The following KCNT1 variants were observed in gnomAD, a reference collection of about 807,000 sequenced individuals.
KCNT1 encodes the protein potassium channel subfamily T member 1.
Under a neutral mutation model 147.8 loss-of-function variants are expected in KCNT1, and 78 were observed. That is an observed-to-expected ratio of 0.53 (90% CI 0.44 to 0.64). The LOEUF (loss-of-function observed/expected upper bound fraction) is 0.64, where lower values mean the gene tolerates loss of function less well. Among genes scored for constraint, KCNT1 ranks in the 30% least tolerant of loss-of-function variants. KCNT1 has a pLI of 0.00. For missense variants in KCNT1, 1,419 were observed against 1,750.3 expected, an observed-to-expected ratio of 0.81 and a Z score of 3.38; for synonymous variants, 867 against 748.8, an observed-to-expected ratio of 1.16 and a Z score of -2.58.
Position 135,772,890 on chromosome 9 carries a change from G to A in KCNT1, c.2184G>A (p.Leu728=). The change falls in exon 19 of 31, where the codon CTG becomes CTA. Residue 728 remains leucine, a synonymous_variant. Transcript: ENST00000371757. ...DSSALLPCDL[L]SDQSEDEVTP... ...CAGCCCTGCTGCCCTGCGACCTGCTGAGCGACCAGTCGGAGGATGAGGTGA... is the reference window on the plus strand; with the variant it reads ...CAGCCCTGCTGCCCTGCGACCTGCTAAGCGACCAGTCGGAGGATGAGGTGA... The A allele has an allele frequency of 6.4e-7, 1 of 1,560,992 alleles. No individual in the cohort carries two copies. Among genetic ancestry groups the A allele is most frequent in the Non-Finnish European group, 8.7e-7 (1 of 1,153,892 alleles).
At chr9:135,745,047 A>G (rs1362637178) in intron 2 of KCNT1, among the ~76,000 whole-genome samples, 14 of 152,098 alleles carry the variant, frequency 9.2e-5, no homozygotes, top group African/African-American at 3.1e-4. Flanking sequence ...GTGGCCGGGG[A>G]TCCGGGAATG....
intron 26 of KCNT1, 64 bp downstream of exon 26, chr9:135,784,682 C>T: frequency 6.2e-7 from 1 of 1,608,640 alleles, no homozygotes; most frequent in Non-Finnish European, 8.5e-7. Flanking sequence ...TGGATGGGCA[C>T]CTGCCCCTGA....
chr9:135,740,059 C>T (rs960232169), intron 2 of KCNT1, among the ~76,000 whole-genome samples: 7 of 152,160 alleles, frequency 4.6e-5, no homozygotes, highest in Non-Finnish European at 8.8e-5. Context: ...CTCTCCTGGC[C>T]GTCCCGCTAT....
At chr9:135,727,437 CCT>C (rs140325657) in intron 2 of KCNT1, among the ~76,000 whole-genome samples, 80 of 135,936 alleles carry the variant, frequency 5.9e-4, no homozygotes, top group Admixed American at 7.5e-4. Context: ...CCCCCCTCTC[CCT>C]CTCTCTCTCT....
intron 1 of KCNT1, among the ~76,000 whole-genome samples, chr9:135,708,569 C>T (rs1281145599): frequency 6.6e-6 from 1 of 152,168 alleles, no homozygotes; most frequent in Non-Finnish European, 1.5e-5. Context: ...GTTGTTGTTT[C>T]AGACAGAATC....
intron 7 of KCNT1, 50 bp downstream of exon 7, chr9:135,756,982 A>ACCCTCCCCAGCCTCCCCC: frequency 1.1e-6 from 1 of 904,708 alleles, no homozygotes; most frequent in Admixed American, 3.0e-5. Context: ...CACCCTCCCC[A>ACCCTCCCCAGCCTCCCCC]CCCTCCCCAG....
chr9:135,719,017 C>T (rs1835823796), intron 2 of KCNT1, among the ~76,000 whole-genome samples: 1 of 152,210 alleles, frequency 6.6e-6, no homozygotes, highest in South Asian at 2.1e-4. Context: ...CACTGCTTAC[C>T]AGATGGTGTC....
At chr9:135,737,567 C>T (rs1203506964) in intron 2 of KCNT1, among the ~76,000 whole-genome samples, 3 of 152,190 alleles carry the variant, frequency 2.0e-5, no homozygotes, top group East Asian at 1.9e-4. Context: ...CAGGCCAGGC[C>T]GGGACAGAAG....
At chr9:135,787,775 A>C (rs1020435459) in intron 29 of KCNT1, among the ~76,000 whole-genome samples, 2 of 151,962 alleles carry the variant, frequency 1.3e-5, no homozygotes, top group African/African-American at 4.8e-5. Context: ...CCCGGGAGGG[A>C]CTTCACGCCC....
intron 2 of KCNT1, among the ~76,000 whole-genome samples, chr9:135,732,119 C>T (rs370156951): frequency 1.3e-4 from 19 of 150,020 alleles, no homozygotes; most frequent in African/African-American, 3.9e-4. Flanking sequence ...CTCCCAGGTT[C>T]GAGATTCTCC....
chr9:135,741,757 C>T (rs1239674902), intron 2 of KCNT1, among the ~76,000 whole-genome samples: 2 of 152,250 alleles, frequency 1.3e-5, no homozygotes, highest in African/African-American at 4.8e-5. Flanking sequence ...CTCCTTCCTG[C>T]CTGTGTGGCC....
At chr9:135,734,504 A>G (rs1333853322) in intron 2 of KCNT1, among the ~76,000 whole-genome samples, 1 of 152,114 alleles carries the variant, frequency 6.6e-6, no homozygotes, top group Non-Finnish European at 1.5e-5. Flanking sequence ...AGTTGCGAAG[A>G]TCCTCCTCCC....
intron 1 of KCNT1, among the ~76,000 whole-genome samples, chr9:135,706,622 A>T (rs1194631429): frequency 2.6e-5 from 4 of 152,182 alleles, no homozygotes; most frequent in Non-Finnish European, 5.9e-5. Flanking sequence ...ACTCCACAAG[A>T]GGGGCAAAGA....
chr9:135,786,380 C>A lies in KCNT1; in HGVS notation c.3361C>A (p.Pro1121Thr). 1 of 1,577,354 alleles carries A rather than the reference C, an allele frequency of 6.3e-7. No homozygotes were observed. Among genetic ancestry groups the A allele is most frequent in the South Asian group, 1.1e-5 (1 of 87,424 alleles). ...GGCCCGGAGGCTGAGCCGCAAGGCGCCCAAGCAGGCAGGCCGGGCGGCGGC... is the reference window on the plus strand; with the variant it reads ...GGCCCGGAGGCTGAGCCGCAAGGCGACCAAGCAGGCAGGCCGGGCGGCGGC... ...QWARRLSRKA[P>T]KQAGRAAAAE... Residue 1121 changes from proline to threonine, a missense_variant, in exon 29 of 31, where the codon CCC becomes ACC. Coordinates refer to ENST00000371757, the MANE Select transcript of KCNT1 (RefSeq NM_020822.3).
In KCNT1 at chr9:135,768,663, G is replaced by A; in HGVS notation, c.1391G>A (p.Arg464His). The A allele has an allele frequency of 1.9e-6, 3 of 1,550,240 alleles. No individual in the cohort carries two copies. Among genetic ancestry groups the A allele is most frequent in the Non-Finnish European group, 1.7e-6 (2 of 1,146,692 alleles). Reference sequence around the variant, plus strand: ...CTCAGCAGCAGGAACGAGGTGGACCGCACGGCTGCAGTGAGTGAGGCTGAG... The same window carrying A: ...CTCAGCAGCAGGAACGAGGTGGACCACACGGCTGCAGTGAGTGAGGCTGAG... ...FILSSRNEVD[R>H]TAADHQTILR... Residue 464 changes from arginine (R) to histidine (H), a missense_variant, in exon 14 of 31, where the codon CGC (arginine) becomes CAC (histidine). Coordinates refer to ENST00000371757, the MANE Select transcript of KCNT1 (RefSeq NM_020822.3).
intron 21 of KCNT1, 142 bp downstream of exon 21, chr9:135,777,652 TA>T: frequency 2.6e-6 from 2 of 768,834 alleles, no homozygotes; most frequent in Non-Finnish European, 4.1e-6. Context: ...TCAGCTTTCC[TA>T]AAAAGGGGGA....
At chr9:135,774,228 TTG>T (rs1697974708) in intron 19 of KCNT1, among the ~76,000 whole-genome samples, 1 of 148,604 alleles carries the variant, frequency 6.7e-6, no homozygotes, top group South Asian at 2.1e-4. Context: ...TGTCTGTGTG[TTG>T]TGTGTGGTGT....
rs1273552164 is a variant in KCNT1 at position 135,752,204 on chromosome 9, C to T, written c.434+1163C>T. Reference sequence around the variant, plus strand: ...CCCCTCTGGCTGCGCAGAGCAGGTTCTTCCCTGGAGAGAAGGCCTGACTGC... The same window carrying T: ...CCCCTCTGGCTGCGCAGAGCAGGTTTTTCCCTGGAGAGAAGGCCTGACTGC... On this transcript the variant is annotated intron_variant, in intron 4 of 30. Transcript: ENST00000371757. The surrounding 1 kb of genome is among the most constrained non-coding windows in gnomAD (Gnocchi z 5.1). The T allele has an allele frequency of 2.7e-6, 1 of 368,232 alleles. No homozygotes were observed. The highest frequency in any genetic ancestry group is 5.4e-6 in the Non-Finnish European group (1 of 186,880). The allele number at this position is 368,232 out of a possible 1,614,324, so 22.8% of individuals were successfully genotyped here.
At chr9:135,706,651 G>A (rs1835269527) in intron 1 of KCNT1, among the ~76,000 whole-genome samples, 1 of 152,198 alleles carries the variant, frequency 6.6e-6, no homozygotes. Flanking sequence ...ATCTGCCTGT[G>A]ACTCCCTCCA....
Sources: gnomAD v4.1 joint callset for allele counts (sites outside exome capture counted in the v4.1 genomes callset) on GRCh38, gnomAD v4.1.1 for gene constraint, Gnocchi (gnomAD v3.1) non-coding constraint, MANE v1.5 for transcripts, NCBI Gene and HGNC (gene_info 2026-07-23, HGNC 2026-07-21) for gene names.